SCLT1: variants seen among roughly 807,000 people sequenced by gnomAD.
The protein encoded by SCLT1 is sodium channel and clathrin linker 1, also known as sodium channel-associated protein 1.
SCLT1 carries 78 observed loss-of-function variants against 112.8 expected under a neutral mutation model. That is an observed-to-expected ratio of 0.69 (90% confidence interval 0.58 to 0.83). SCLT1 has a LOEUF of 0.83. Ranked by LOEUF, SCLT1 falls within the 40% of genes least tolerant of loss-of-function variation. The probability of loss-of-function intolerance (pLI) is 0.00; values close to 1 mark genes in which losing one functional copy is unlikely to be tolerated. For synonymous variants in SCLT1, 257 were observed against 254.7 expected, an observed-to-expected ratio of 1.01 and a Z score of -0.09; for missense variants, 747 against 770.4, an observed-to-expected ratio of 0.97 and a Z score of 0.36.
At chr4:128,978,903 GAGAA>G (rs1741415144) in intron 9 of SCLT1, among the ~76,000 whole-genome samples, 2 of 151,990 alleles carry the variant, frequency 1.3e-5, no homozygotes, top group Admixed American at 1.3e-4. Context: ...ATAGAAAGAG[GAGAA>G]AGAAAGAAAT....
At chr4:129,010,994 G>A (rs1199565759) in intron 5 of SCLT1, among the ~76,000 whole-genome samples, 1 of 152,150 alleles carries the variant, frequency 6.6e-6, no homozygotes, top group Admixed American at 6.5e-5. Context: ...CTTGTCTTGT[G>A]CCAGTTTTCA....
chr4:129,080,860 T>C (rs757132805), intron 2 of SCLT1, among the ~76,000 whole-genome samples: 1 of 152,184 alleles, frequency 6.6e-6, no homozygotes, highest in Non-Finnish European at 1.5e-5. Flanking sequence ...AGTTGGCTCA[T>C]AGTTCTGCAG....
At chr4:129,068,376 A>C (rs1459893220) in intron 2 of SCLT1, among the ~76,000 whole-genome samples, 4 of 152,194 alleles carry the variant, frequency 2.6e-5, no homozygotes. Flanking sequence ...CATCCACGCC[A>C]ACATCTACTG....
chr4:129,019,136 C>T (rs930283181), intron 5 of SCLT1, among the ~76,000 whole-genome samples: 5 of 152,212 alleles, frequency 3.3e-5, no homozygotes, highest in South Asian at 4.1e-4. Flanking sequence ...TAGTCCAAGA[C>T]TTTAATTTTA....
intron 17 of SCLT1, among the ~76,000 whole-genome samples, chr4:128,942,506 AAGAG>A (rs1737784110): frequency 6.6e-6 from 1 of 152,080 alleles, no homozygotes; most frequent in African/African-American, 2.4e-5. Flanking sequence ...AGAAGGAAAT[AAGAG>A]AGAAAAGAAA....
intron 17 of SCLT1, among the ~76,000 whole-genome samples, chr4:128,937,385 C>G (rs184300034): frequency 6.6e-6 from 1 of 151,918 alleles, no homozygotes; most frequent in East Asian, 1.9e-4. Context: ...TTATGATGAA[C>G]TATATATTTT....
rs1221183995 is a variant in SCLT1 at position 128,965,242 on chromosome 4, T to G, written c.854A>C (p.Lys285Thr). 6.3e-7 allele frequency: 1 copy of G among 1,588,674 alleles called. No homozygotes were observed. Among genetic ancestry groups the G allele is most frequent in the East Asian group, 2.2e-5 (1 of 44,688 alleles). ...RRLQQLQSSI[K>T]QLEIRLCVTI... ...AACAATTTACCTTATTTCTAATTGT[T>G]TTATACTAGACTGTAACTGCTGTAA... Residue 285 changes from lysine to threonine, a missense_variant, in exon 11 of 21, where the codon AAA (lysine) becomes ACA (threonine). Around this residue, in one of 2 missense-constraint regions of SCLT1, gnomAD observed 723 missense variants for 721.3 expected, o/e 1.00. Coordinates refer to ENST00000281142, the MANE Select transcript of SCLT1 (RefSeq NM_144643.4).
At chr4:129,022,357 G>T (rs984934974) in intron 5 of SCLT1, among the ~76,000 whole-genome samples, 2 of 152,188 alleles carry the variant, frequency 1.3e-5, no homozygotes. Flanking sequence ...CTGCGTTAAA[G>T]GAGCATGTTC....
intron 2 of SCLT1, among the ~76,000 whole-genome samples, chr4:129,053,403 C>T (rs988200286): frequency 6.6e-6 from 1 of 151,950 alleles, no homozygotes; most frequent in Non-Finnish European, 1.5e-5. Flanking sequence ...CTTTATAAAT[C>T]TGGGTCCTCC....
At chr4:128,932,362 T>A (rs188470720) in intron 18 of SCLT1, among the ~76,000 whole-genome samples, 8 of 152,240 alleles carry the variant, frequency 5.3e-5, no homozygotes, top group African/African-American at 1.9e-4. Context: ...AAAATATACA[T>A]GTATAAAACC....
At chr4:128,921,359 G>A (rs1735866923) in intron 18 of SCLT1, among the ~76,000 whole-genome samples, 3 of 74,434 alleles carry the variant, frequency 4.0e-5, no homozygotes, top group South Asian at 7.0e-4. Context: ...GCAATTCTAA[G>A]CAAAAAGAAC....
intron 5 of SCLT1, among the ~76,000 whole-genome samples, chr4:129,023,909 C>CCTA (rs1745742843): frequency 6.6e-6 from 1 of 152,226 alleles, no homozygotes; most frequent in Admixed American, 6.5e-5. Flanking sequence ...CTTGGAGGGT[C>CCTA]CTACGCCCAC....
At chr4:128,993,215 G>A (rs1321305001) in intron 8 of SCLT1, among the ~76,000 whole-genome samples, 1 of 151,854 alleles carries the variant, frequency 6.6e-6, no homozygotes, top group Non-Finnish European at 1.5e-5. Flanking sequence ...TTTCCTTTCT[G>A]TACTTTGATA....
intron 18 of SCLT1, among the ~76,000 whole-genome samples, chr4:128,926,792 A>G (rs1284775409): frequency 1.3e-5 from 2 of 152,050 alleles, no homozygotes; most frequent in Non-Finnish European, 2.9e-5. Flanking sequence ...TAATTAACCT[A>G]TCAACAATAA....
chr4:128,947,100 C>T (rs957231659), intron 15 of SCLT1, among the ~76,000 whole-genome samples: 1 of 152,216 alleles, frequency 6.6e-6, no homozygotes, highest in African/African-American at 2.4e-5. Context: ...CAACATTCCA[C>T]TACTGGAATA....
At chr4:128,955,846 TG>T (rs1173963865) in intron 13 of SCLT1, among the ~76,000 whole-genome samples, 1 of 152,180 alleles carries the variant, frequency 6.6e-6, no homozygotes, top group Admixed American at 6.5e-5. Flanking sequence ...TTGGCAACAG[TG>T]TGGAACTCAG....
intron 18 of SCLT1, among the ~76,000 whole-genome samples, chr4:128,912,570 A>T (rs1467020361): frequency 6.6e-6 from 1 of 152,084 alleles, no homozygotes; most frequent in Non-Finnish European, 1.5e-5. Flanking sequence ...TTCTCCAAAA[A>T]GGAGGGATAC....
chr4:128,932,961 A>C (rs542672095), intron 18 of SCLT1, among the ~76,000 whole-genome samples: 2 of 152,194 alleles, frequency 1.3e-5, no homozygotes, highest in Non-Finnish European at 1.5e-5. Context: ...GGCACAAATA[A>C]TTGGAAAGAT....
At position 129,044,143 on chromosome 4, in the gene SCLT1, A is replaced by C. The variant is rs371985302; in HGVS notation, c.103-92T>G. Reference sequence around the variant, plus strand: ...ATATTAAATGCAATTAAATTTTCATAATCTTAGAAACTCTATTTATGTAAT... The same window carrying C: ...ATATTAAATGCAATTAAATTTTCATCATCTTAGAAACTCTATTTATGTAAT... On this transcript the variant is annotated intron_variant, in intron 2 of 20. Coordinates refer to ENST00000281142, the MANE Select transcript of SCLT1 (RefSeq NM_144643.4). The C allele has an allele frequency of 9.3e-6, 6 of 645,642 alleles. No individual in the cohort carries two copies. In the African/African-American group the frequency reaches 9.5e-5, roughly 10 times the overall value. 40.0% of individuals were successfully genotyped at this position (645,642 alleles called of 1,614,324 possible).
Sources: gnomAD v4.1 joint callset for allele counts (sites outside exome capture counted in the v4.1 genomes callset) on GRCh38, gnomAD v4.1.1 for gene constraint, gnomAD v4.1.1 regional missense constraint, MANE v1.5 for transcripts, NCBI Gene and HGNC (gene_info 2026-07-23, HGNC 2026-07-21) for gene names.